The following SPTSSA variants were observed in gnomAD, a reference collection of about 807,000 sequenced individuals.
The protein encoded by SPTSSA is small subunit of serine palmitoyltransferase A.
SPTSSA carries 8 observed loss-of-function variants against 9.1 expected under a neutral mutation model. The ratio of observed to expected loss-of-function variants is 0.88; its 90% CI spans 0.51 to 1.58. The LOEUF is 1.58. Ranked by LOEUF, SPTSSA falls within the 40% of genes most tolerant of loss-of-function variation. The pLI, the probability that SPTSSA is intolerant of heterozygous loss-of-function variation, is 0.00. For synonymous variants in SPTSSA, 42 were observed against 37.7 expected, an observed-to-expected ratio of 1.11 and a Z score of -0.41; for missense variants, 100 against 93.8, an observed-to-expected ratio of 1.07 and a Z score of -0.27.
chr14:34,451,490 A>T (rs146163623), intron 1 of SPTSSA, among the ~76,000 whole-genome samples: 1 of 152,004 alleles, frequency 6.6e-6, no homozygotes, highest in Non-Finnish European at 1.5e-5. Context: ...TTGGGAGGCC[A>T]AGGTGGGCAG....
chr14:34,443,678 G>GCT (rs1270406781), intron 1 of SPTSSA, among the ~76,000 whole-genome samples: 6 of 152,022 alleles, frequency 3.9e-5, no homozygotes, highest in Non-Finnish European at 8.8e-5. Flanking sequence ...TGGGATTACA[G>GCT]GTGCCCGCCA....
intron 1 of SPTSSA, among the ~76,000 whole-genome samples, chr14:34,449,314 G>A (rs1883476948): frequency 6.6e-6 from 1 of 152,056 alleles, no homozygotes. Flanking sequence ...AATATCACTT[G>A]AGCCCAGAAA....
chr14:34,461,712 C>A (rs1480096752), intron 1 of SPTSSA, among the ~76,000 whole-genome samples: 1 of 152,226 alleles, frequency 6.6e-6, no homozygotes, highest in African/African-American at 2.4e-5. Context: ...AAGCCGGGAG[C>A]GATGTGCTCC....
intron 1 of SPTSSA, among the ~76,000 whole-genome samples, chr14:34,457,338 T>C (rs1379663891): frequency 6.6e-6 from 1 of 152,168 alleles, no homozygotes; most frequent in East Asian, 1.9e-4. Flanking sequence ...AGGGCGTGTC[T>C]CACTGTTACA....
chr14:34,450,519 CTTG>C (rs1483286256), intron 1 of SPTSSA, among the ~76,000 whole-genome samples: 1 of 152,162 alleles, frequency 6.6e-6, no homozygotes, highest in Non-Finnish European at 1.5e-5. Context: ...CCGAACTCTT[CTTG>C]TTGTTTGCAT....
At chr14:34,457,147 T>A (rs2807766) in intron 1 of SPTSSA, among the ~76,000 whole-genome samples, 17 of 151,708 alleles carry the variant, frequency 1.1e-4, no homozygotes, top group Non-Finnish European at 1.9e-4. Context: ...CCCCACTAAT[T>A]TTTTATTTTT....
intron 1 of SPTSSA, among the ~76,000 whole-genome samples, chr14:34,453,782 TTC>T (rs1183015897): frequency 6.6e-6 from 1 of 152,186 alleles, no homozygotes; most frequent in Admixed American, 6.5e-5. Flanking sequence ...CTACTATTTT[TTC>T]AACATTCCAA....
At chr14:34,461,442 A>C (rs1246718262) in intron 1 of SPTSSA, among the ~76,000 whole-genome samples, 1 of 152,248 alleles carries the variant, frequency 6.6e-6, no homozygotes, top group Non-Finnish European at 1.5e-5. Flanking sequence ...ACACAGTTTC[A>C]AACCCTACCG....
chr14:34,455,410 A>G (rs1396041601), intron 1 of SPTSSA, among the ~76,000 whole-genome samples: 1 of 151,922 alleles, frequency 6.6e-6, no homozygotes, highest in African/African-American at 2.4e-5. Context: ...AAAGGAGTAT[A>G]TTTTTTATAT....
intron 1 of SPTSSA, among the ~76,000 whole-genome samples, chr14:34,448,024 G>T (rs957617344): frequency 2.6e-5 from 4 of 152,140 alleles, no homozygotes; most frequent in Non-Finnish European, 5.9e-5. Flanking sequence ...GGAAGCTGAG[G>T]TGGGCAGATC....
intron 1 of SPTSSA, among the ~76,000 whole-genome samples, chr14:34,443,198 GGT>G (rs76985104): frequency 0.052 from 589 of 11,422 alleles, 58 homozygotes; most frequent in African/African-American, 0.18. Flanking sequence ...TCCTCTAGGG[GGT>G]GTGTGTGTGT....
chr14:34,435,226 A>G lies in SPTSSA; in HGVS notation c.191T>C (p.Leu64Ser), dbSNP rs753967282. The G allele has an allele frequency of 1.1e-4, 175 of 1,613,684 alleles. No homozygotes were observed. The highest frequency in any genetic ancestry group is 1.5e-4 in the Non-Finnish European group (173 of 1,179,798). Reference protein sequence around the residue: ...VFMPQHIMAILHYFEIVQ With the variant: ...VFMPQHIMAISHYFEIVQ ...TCATTGTACGATTTCAAAGTAGTGC[A>G]ATATCGCCATGATGTGCTGGGGCAT... The change falls in exon 2 of 2, where the codon TTG (leucine) becomes TCG (serine). Residue 64 changes from leucine to serine, a missense_variant. By Grantham distance (145) the Leu-to-Ser change is moderately radical. Transcript: ENST00000298130.
chr14:34,438,179 G>A (rs571486259), intron 1 of SPTSSA, among the ~76,000 whole-genome samples: 9 of 152,194 alleles, frequency 5.9e-5, no homozygotes, highest in African/African-American at 2.2e-4. Flanking sequence ...ATGATAAAAT[G>A]GAATTCCCAT....
chr14:34,455,814 C>G (rs982577693), intron 1 of SPTSSA, among the ~76,000 whole-genome samples: 1 of 151,656 alleles, frequency 6.6e-6, no homozygotes, highest in African/African-American at 2.4e-5. Context: ...CAACTGTAAT[C>G]CTAGCTATTC....
chr14:34,450,288 C>G (rs113829771), intron 1 of SPTSSA, among the ~76,000 whole-genome samples: 2,900 of 152,300 alleles, frequency 0.019, 96 homozygotes, highest in African/African-American at 0.066. Context: ...CACAACCTCT[C>G]TGGACCTGAG....
chr14:34,437,125 T>C (rs1275614787), intron 1 of SPTSSA, among the ~76,000 whole-genome samples: 7 of 152,186 alleles, frequency 4.6e-5, no homozygotes, highest in African/African-American at 1.4e-4. Flanking sequence ...TCCTTCTTCT[T>C]CAAAACCCTT....
At chr14:34,438,261 CTTGAG>C (rs144080242) in intron 1 of SPTSSA, among the ~76,000 whole-genome samples, 20,558 of 152,010 alleles carry the variant, frequency 0.14, 1,489 homozygotes, top group South Asian at 0.23. Context: ...ATCCTAAATG[CTTGAG>C]TTGAGAAGTA....
At chr14:34,437,621 C>T (rs997413203) in intron 1 of SPTSSA, among the ~76,000 whole-genome samples, 1 of 152,164 alleles carries the variant, frequency 6.6e-6, no homozygotes, top group Admixed American at 6.5e-5. Flanking sequence ...ATGCAGCTTG[C>T]TGATGGAATC....
chr14:34,451,907 A>C (rs775267481), intron 1 of SPTSSA, among the ~76,000 whole-genome samples: 119 of 152,216 alleles, frequency 7.8e-4, no homozygotes, highest in Non-Finnish European at 1.4e-3. Flanking sequence ...CTACTGAATG[A>C]AGCCCCAAAC....
Sources: gnomAD v4.1 joint callset for allele counts (sites outside exome capture counted in the v4.1 genomes callset) on GRCh38, gnomAD v4.1.1 for gene constraint, MANE v1.5 for transcripts, NCBI Gene and HGNC (gene_info 2026-07-23, HGNC 2026-07-21) for gene names.